FGF12: variants seen among roughly 807,000 people sequenced by gnomAD.
FGF12 encodes fibroblast growth factor 12B.
In FGF12, 14 loss-of-function variants were observed where a neutral mutation model predicts 23.6. That is an observed-to-expected ratio of 0.59 (90% CI 0.39 to 0.93). FGF12 has a LOEUF of 0.93. FGF12 is among the 40% of genes least tolerant of loss of function. The probability of loss-of-function intolerance (pLI) is 0.00; values close to 1 mark genes in which losing one functional copy is unlikely to be tolerated. For synonymous variants in FGF12, 62 were observed against 77.3 expected, an observed-to-expected ratio of 0.80 and a Z score of 1.04; for missense variants, 175 against 217.8, an observed-to-expected ratio of 0.80 and a Z score of 1.24.
chr3:192,657,780 A>G (rs977489159), intron 2 of FGF12, among the ~76,000 whole-genome samples: 1 of 152,216 alleles, frequency 6.6e-6, no homozygotes, highest in African/African-American at 2.4e-5. Context: ...ATTTATCAAT[A>G]AAACCATATT....
intron 4 of FGF12, among the ~76,000 whole-genome samples, chr3:192,192,650 C>G (rs1449745809): frequency 6.6e-6 from 1 of 151,706 alleles, no homozygotes; most frequent in Non-Finnish European, 1.5e-5. Flanking sequence ...ATTATAGAAT[C>G]ACAGTATTTT....
rs965668181 is a variant in FGF12, at chr3:192,617,587, A to T, written c.13+109594T>A. On this transcript the variant is annotated intron_variant, in intron 2 of 5. Transcript: ENST00000445105. ...GCATCATAAGGCACTATTTAGACAG[A>T]CCAATCCCTCTCAAACTTACATAAG... Among the ~76,000 whole-genome samples the T allele has an allele frequency of 2.6e-5, 4 of 152,116 alleles. No individual in the cohort carries two copies. In the South Asian group the frequency reaches 6.2e-4, roughly 24 times the overall value.
intron 2 of FGF12, among the ~76,000 whole-genome samples, chr3:192,530,382 ATCGT>A (rs1725056889): frequency 6.6e-6 from 1 of 152,220 alleles, no homozygotes; most frequent in Non-Finnish European, 1.5e-5. Context: ...TGCCTGCCAG[ATCGT>A]AGGTCCTTAA....
chr3:192,385,443 CAAAT>C (rs1014721183), intron 2 of FGF12, among the ~76,000 whole-genome samples: 30 of 152,068 alleles, frequency 2.0e-4, no homozygotes, highest in African/African-American at 6.0e-4. Flanking sequence ...AGGTAACTGT[CAAAT>C]ATTGGATATT....
chr3:192,399,103 A>G (rs1720650411), intron 2 of FGF12, among the ~76,000 whole-genome samples: 1 of 152,022 alleles, frequency 6.6e-6, no homozygotes, highest in Admixed American at 6.6e-5. Context: ...CATTAAACAC[A>G]GGAAAGATTC....
At chr3:192,588,413 A>G (rs938948057) in intron 2 of FGF12, among the ~76,000 whole-genome samples, 19 of 151,386 alleles carry the variant, frequency 1.3e-4, no homozygotes, top group Admixed American at 1.1e-3. Context: ...AAAATTAAAT[A>G]AAATTAAAAC....
At chr3:192,330,270 C>T (rs867538626) in intron 4 of FGF12, among the ~76,000 whole-genome samples, 119 of 152,040 alleles carry the variant, frequency 7.8e-4, no homozygotes, top group African/African-American at 2.7e-3. Context: ...ATAGCCAAAA[C>T]CATCTTAAGA....
At chr3:192,244,272 G>A (rs955068667) in intron 4 of FGF12, among the ~76,000 whole-genome samples, 3 of 152,000 alleles carry the variant, frequency 2.0e-5, no homozygotes, top group Non-Finnish European at 4.4e-5. Context: ...ATTTATAATA[G>A]CAAAATATTG....
intron 2 of FGF12, among the ~76,000 whole-genome samples, chr3:192,669,041 A>G (rs1307125716): frequency 6.6e-6 from 1 of 152,238 alleles, no homozygotes; most frequent in Non-Finnish European, 1.5e-5. Context: ...TATTTTAAAA[A>G]TTGTTAGAGC....
At chr3:192,516,436 A>G (rs1384877935) in intron 2 of FGF12, 1 of 152,244 alleles carries the variant, frequency 6.6e-6, no homozygotes, top group Non-Finnish European at 1.5e-5. Context: ...CCTGCAAGGG[A>G]GTAAAAATGG....
At chr3:192,648,075 C>A (rs1401623953) in intron 2 of FGF12, among the ~76,000 whole-genome samples, 5 of 152,032 alleles carry the variant, frequency 3.3e-5, no homozygotes, top group Non-Finnish European at 7.4e-5. Flanking sequence ...TGTAGACTCA[C>A]ACTTCTAGGA....
intron 2 of FGF12, among the ~76,000 whole-genome samples, chr3:192,414,549 TCTC>T (rs2108780276): frequency 6.6e-6 from 1 of 152,330 alleles, no homozygotes; most frequent in South Asian, 2.1e-4. Flanking sequence ...CAAATCATCT[TCTC>T]ATGTATTATC....
Position 192,167,731 on chromosome 3 carries a change from GTATATA to G in FGF12, c.427+2721_427+2726del, listed in dbSNP as rs11394352. 2.3e-3 allele frequency among the ~76,000 whole-genome samples: 58 copies of G among 25,044 alleles called. 2 individuals carry two copies. Among genetic ancestry groups the G allele is most frequent in the Non-Finnish European group, 2.6e-3 (42 of 16,056 alleles). 16.4% of individuals were successfully genotyped at this position (25,044 alleles called of 152,430 possible). ...CTAAAATTAGGAGGGTAGGTTATAGGTATATATATATATATATATATATATATATAT... is the reference window on the plus strand; with the variant it reads ...CTAAAATTAGGAGGGTAGGTTATAGGTATATATATATATATATATATATAT... On this transcript the variant is annotated intron_variant, in intron 5 of 5. Transcript: ENST00000445105.
At chr3:192,318,635 G>C (rs376778344) in intron 4 of FGF12, among the ~76,000 whole-genome samples, 1 of 152,028 alleles carries the variant, frequency 6.6e-6, no homozygotes, top group African/African-American at 2.4e-5. Flanking sequence ...GCCTTAAGGA[G>C]GAAGTAGAGA....
At chr3:192,160,258 A>G (rs1039251407) in intron 5 of FGF12, among the ~76,000 whole-genome samples, 1 of 152,116 alleles carries the variant, frequency 6.6e-6, no homozygotes, top group East Asian at 1.9e-4. Context: ...CATAAAATCT[A>G]AAGTCCTGAA....
rs542407337 is a variant in FGF12 at position 192,321,508 on chromosome 3, A to AC, written c.228+13852_228+13853insG. Reference sequence around the variant, plus strand: ...GATAAAGACATTCAAAAAAAAAAAAAAAACCACACAAAAAAACTATAGGCT... The same window carrying AC: ...GATAAAGACATTCAAAAAAAAAAAAACAAACCACACAAAAAAACTATAGGCT... On this transcript the variant is annotated intron_variant, in intron 4 of 5. Transcript: ENST00000445105. 1.2e-4 allele frequency among the ~76,000 whole-genome samples: 18 copies of AC among 151,736 alleles called. No individual in the cohort carries two copies. In the South Asian group the frequency reaches 3.7e-3, roughly 32 times the overall value.
At chr3:192,604,405 T>C (rs1422310162) in intron 2 of FGF12, among the ~76,000 whole-genome samples, 1 of 152,224 alleles carries the variant, frequency 6.6e-6, no homozygotes, top group African/African-American at 2.4e-5. Context: ...TAAATGTCCA[T>C]GAAATCTTCA....
At position 192,503,911 on chromosome 3, in the gene FGF12, G is replaced by A. The variant is rs558715551; in HGVS notation, c.14-143373C>T. Among the ~76,000 whole-genome samples, 4 of 152,174 alleles carry A rather than the reference G, an allele frequency of 2.6e-5. No homozygotes were observed. The South Asian group carries it at 6.2e-4, about 24-fold the overall frequency. On this transcript the variant is annotated intron_variant, in intron 2 of 5. Coordinates refer to ENST00000445105, the MANE Select transcript of FGF12 (RefSeq NM_004113.6). ...GCATGTATATGTTCATTGCAGCACC[G>A]TTCACTTTGCAAAGACATGGAATCA...
chr3:192,164,033 T>G (rs953630685), intron 5 of FGF12, among the ~76,000 whole-genome samples: 5 of 150,864 alleles, frequency 3.3e-5, no homozygotes, highest in African/African-American at 4.9e-5. Context: ...GTACACAGAC[T>G]TTTTTTTTCA....
Sources: gnomAD v4.1 joint callset for allele counts (sites outside exome capture counted in the v4.1 genomes callset) on GRCh38, gnomAD v4.1.1 for gene constraint, MANE v1.5 for transcripts, NCBI Gene and HGNC (gene_info 2026-07-23, HGNC 2026-07-21) for gene names.